The following SERTAD2 variants were observed in gnomAD, a reference collection of about 807,000 sequenced individuals.
The protein encoded by SERTAD2 is SERTA domain-containing protein 2.
SERTAD2 carries 2 observed loss-of-function variants against 15.4 expected under a neutral mutation model. That is an observed-to-expected ratio of 0.13 (90% CI 0.05 to 0.41). The LOEUF is 0.41. SERTAD2 is among the 10% of genes least tolerant of loss of function. The pLI is 0.99. For missense variants in SERTAD2, 333 were observed against 409.7 expected (o/e 0.81, Z 1.62); for synonymous variants, 180 against 178.0 (o/e 1.01, Z -0.09).
At chr2:64,637,518 T>G (rs2104338985) in intron 1 of SERTAD2, among the ~76,000 whole-genome samples, 1 of 152,324 alleles carries the variant, frequency 6.6e-6, no homozygotes, top group South Asian at 2.1e-4. Flanking sequence ...CGCCGCCACT[T>G]TTCATTTAGA....
rs1674556594 is a variant in SERTAD2, at chr2:64,632,544, C to T, written c.*3383G>A. On this transcript the variant is annotated 3_prime_UTR_variant, in exon 2 of 2. Coordinates refer to ENST00000313349, the MANE Select transcript of SERTAD2 (RefSeq NM_014755.3). ...ATGAACAAGGGTGCCCATGTGGTTG[C>T]TCCTTCTGTCATCCAGAGAAAGTGC... 6.6e-6 allele frequency: 1 copy of T among 152,512 alleles called. No homozygotes were observed. Among genetic ancestry groups the T allele is most frequent in the Non-Finnish European group, 1.5e-5 (1 of 68,018 alleles). 9.4% of individuals were successfully genotyped at this position (152,512 alleles called of 1,614,324 possible). A position where few individuals can be genotyped will look rare whatever the true frequency, so the allele number is the denominator to read the frequency against.
chr2:64,644,454 C>G (rs1674852598), intron 1 of SERTAD2, among the ~76,000 whole-genome samples: 1 of 152,204 alleles, frequency 6.6e-6, no homozygotes, highest in Admixed American at 6.5e-5. Context: ...AGCCTGAGGG[C>G]GGGACGCTGA....
chr2:64,636,289 T>C lies in SERTAD2; in HGVS notation c.583A>G (p.Ser195Gly). The C allele has an allele frequency of 6.2e-7, 1 of 1,614,166 alleles. No homozygotes were observed. The highest frequency in any genetic ancestry group is 1.3e-5 in the African/African-American group (1 of 75,046). Residue 195 changes from serine (S) to glycine (G), a missense_variant, in exon 2 of 2, where the codon AGT (serine) becomes GGT (glycine). Around this residue, in one of 2 missense-constraint regions of SERTAD2, gnomAD observed 332 missense variants for 392.9 expected, o/e 0.84. Coordinates refer to ENST00000313349, the MANE Select transcript of SERTAD2 (RefSeq NM_014755.3). ...STEAATAATDSVKGTSSEAGT... is the reference protein window; with the variant it reads ...STEAATAATDGVKGTSSEAGT... ...GCCTCGCTGGAGGTCCCTTTCACAC[T>C]GTCAGTCGCAGCCGTGGCCGCCTCT... is the stretch of plus-strand genomic sequence containing the variant.
At chr2:64,640,073 A>C (rs558847978) in intron 1 of SERTAD2, among the ~76,000 whole-genome samples, 3 of 152,360 alleles carry the variant, frequency 2.0e-5, no homozygotes, top group African/African-American at 7.2e-5. Context: ...ATTATAAGGC[A>C]AAACTGACTC....
rs1255288512 is a variant in SERTAD2, at chr2:64,636,707, T to A, written c.165A>T (p.Thr55=). The change falls in exon 2 of 2, where the codon ACA becomes ACT. Residue 55 remains threonine, a synonymous_variant. Transcript: ENST00000313349. ...LMKLYNHRPL[T]EPSLQKTVLI... is the part of the protein sequence containing the mutation. ...AAACGGTCTTTTGCAAGCTGGGCTC[T>A]GTCAGGGGCCTGTGGTTATAGAGTT... 2 of 1,614,108 alleles carry A rather than the reference T, an allele frequency of 1.2e-6. No individual in the cohort carries two copies. The highest frequency in any genetic ancestry group is 3.3e-5 in the Admixed American group (2 of 60,018).
intron 1 of SERTAD2, among the ~76,000 whole-genome samples, chr2:64,637,434 A>G (rs1260500784): frequency 2.0e-5 from 3 of 152,236 alleles, no homozygotes; most frequent in Non-Finnish European, 4.4e-5. Context: ...CTCATTAAGC[A>G]CGGAGTCTTT....
chr2:64,637,375 A>G (rs1469748059), intron 1 of SERTAD2, among the ~76,000 whole-genome samples: 3 of 152,218 alleles, frequency 2.0e-5, no homozygotes, highest in South Asian at 2.1e-4. Flanking sequence ...GAAAGGTAAC[A>G]TGTATAATTT....
At position 64,653,736 on chromosome 2, in the gene SERTAD2, C is replaced by G. The variant is rs1675067933; in HGVS notation, c.-121G>C. 1 of 152,344 alleles carries G rather than the reference C, an allele frequency of 6.6e-6. No homozygotes were observed. Among genetic ancestry groups the G allele is most frequent in the African/African-American group, 2.4e-5 (1 of 41,452 alleles). The allele number at this position is 152,344 out of a possible 1,614,324, so 9.4% of individuals were successfully genotyped here. On this transcript the variant is annotated 5_prime_UTR_variant, in exon 1 of 2. Coordinates refer to ENST00000313349, the MANE Select transcript of SERTAD2 (RefSeq NM_014755.3). ...GGGGCCCGAGGGTGGCGCCGGGGAG[C>G]GGGCAGCAGGCGAGGCTGAAGCTAA...
At chr2:64,653,362 CT>C (rs1008177684) in intron 1 of SERTAD2, among the ~76,000 whole-genome samples, 14 of 152,208 alleles carry the variant, frequency 9.2e-5, no homozygotes, top group Non-Finnish European at 1.6e-4. Flanking sequence ...CGACCCCCTC[CT>C]GACCCCGGCC....
At chr2:64,643,556 CA>C (rs1674822224) in intron 1 of SERTAD2, among the ~76,000 whole-genome samples, 1 of 152,218 alleles carries the variant, frequency 6.6e-6, no homozygotes, top group African/African-American at 2.4e-5. Context: ...GCTCCTCATT[CA>C]AAGGGGAGCT....
intron 1 of SERTAD2, among the ~76,000 whole-genome samples, chr2:64,638,547 T>C (rs1400986454): frequency 6.6e-6 from 1 of 152,228 alleles, no homozygotes; most frequent in Non-Finnish European, 1.5e-5. Flanking sequence ...GGTAACCGTC[T>C]TACCTCATGT....
At chr2:64,649,482 G>C (rs1318565879) in intron 1 of SERTAD2, among the ~76,000 whole-genome samples, 1 of 152,222 alleles carries the variant, frequency 6.6e-6, no homozygotes, top group Non-Finnish European at 1.5e-5. Flanking sequence ...TATAGACATA[G>C]ATCATGTCTG....
rs746139006 is a variant in SERTAD2 at position 64,634,229 on chromosome 2, T to C, written c.*1698A>G. The stretch of plus-strand genomic sequence containing the variant: ...TGTAACCTGCACTCAACAGCTAAAG[T>C]ACCATTGGAAGAAAAGAAAAAACTG... On this transcript the variant is annotated 3_prime_UTR_variant, in exon 2 of 2. Coordinates refer to ENST00000313349, the MANE Select transcript of SERTAD2 (RefSeq NM_014755.3). 6.6e-6 allele frequency: 1 copy of C among 152,068 alleles called. No homozygotes were observed. The highest frequency in any genetic ancestry group is 1.5e-5 in the Non-Finnish European group (1 of 68,018). 9.4% of individuals were successfully genotyped at this position (152,068 alleles called of 1,614,324 possible).
At chr2:64,649,119 C>G (rs1283898955) in intron 1 of SERTAD2, among the ~76,000 whole-genome samples, 1 of 152,220 alleles carries the variant, frequency 6.6e-6, no homozygotes, top group Non-Finnish European at 1.5e-5. Flanking sequence ...GCTGCCAGCT[C>G]GATATCTCAT....
intron 1 of SERTAD2, among the ~76,000 whole-genome samples, chr2:64,642,356 T>C (rs1451546277): frequency 6.6e-6 from 1 of 152,202 alleles, no homozygotes; most frequent in Non-Finnish European, 1.5e-5. Flanking sequence ...ACTGAAACAG[T>C]ACTTACGTTT....
rs1674538684 is a variant in SERTAD2, at chr2:64,631,728, TG to T, written c.*4198del. On this transcript the variant is annotated 3_prime_UTR_variant, in exon 2 of 2. Transcript: ENST00000313349. ...GTTTAGATTACAGCCCAAACCTACA[TG>T]TGAATACAGCCATCTGGGTTCCGAT... is the stretch of plus-strand genomic sequence containing the variant. 2 of 152,744 alleles carry T rather than the reference TG, an allele frequency of 1.3e-5. No individual in the cohort carries two copies. The highest frequency in any genetic ancestry group is 4.1e-4 in the South Asian group (2 of 4,826). 9.5% of individuals were successfully genotyped at this position (152,744 alleles called of 1,614,324 possible). A position where few individuals can be genotyped will look rare whatever the true frequency, so the allele number is the denominator to read the frequency against.
rs1377271634 is a variant in SERTAD2, at chr2:64,635,637, G to A, written c.*290C>T. ...CCAACTTAATCCTTGTGCTTCACTT[G>A]AACTGTTTATTTTTGTCATTCAACA... On this transcript the variant is annotated 3_prime_UTR_variant, in exon 2 of 2. Coordinates refer to ENST00000313349, the MANE Select transcript of SERTAD2 (RefSeq NM_014755.3). 2 of 304,686 alleles carry A rather than the reference G, an allele frequency of 6.6e-6. No individual in the cohort carries two copies. The highest frequency in any genetic ancestry group is 1.2e-5 in the Non-Finnish European group (2 of 162,802). 18.9% of individuals were successfully genotyped at this position (304,686 alleles called of 1,614,324 possible).
chr2:64,653,359 C>A (rs1020096162), intron 1 of SERTAD2, among the ~76,000 whole-genome samples: 3 of 152,072 alleles, frequency 2.0e-5, no homozygotes, highest in Non-Finnish European at 2.9e-5. Context: ...TCCCGACCCC[C>A]TCCTGACCCC....
chr2:64,639,641 A>G (rs1674728640), intron 1 of SERTAD2, among the ~76,000 whole-genome samples: 1 of 152,246 alleles, frequency 6.6e-6, no homozygotes, highest in Admixed American at 6.5e-5. Flanking sequence ...ACTTGTTACT[A>G]GAACAAACAA....
Sources: gnomAD v4.1 joint callset for allele counts (sites outside exome capture counted in the v4.1 genomes callset) on GRCh38, gnomAD v4.1.1 for gene constraint, gnomAD v4.1.1 regional missense constraint, MANE v1.5 for transcripts, NCBI Gene and HGNC (gene_info 2026-07-23, HGNC 2026-07-21) for gene names.